Variants in DYRK1A observed in about 807,000 individuals in gnomAD.
DYRK1A encodes the protein dual specificity tyrosine phosphorylation regulated kinase 1A.
In DYRK1A, 9 loss-of-function variants were observed where a neutral mutation model predicts 79.7. The observed-to-expected ratio is 0.11, with a 90% confidence interval of 0.07 to 0.20. The LOEUF is 0.20. Among genes scored for constraint, DYRK1A ranks in the 10% least tolerant of loss-of-function variants. DYRK1A has a pLI of 1.00. For synonymous variants in DYRK1A, 349 were observed against 329.7 expected, an observed-to-expected ratio of 1.06 and a Z score of -0.63; for missense variants, 622 against 956.0, an observed-to-expected ratio of 0.65 and a Z score of 4.61.
In DYRK1A at chr21:37,367,052, G is replaced by T; in HGVS notation, c.-653G>T. 2 of 160,894 alleles carry T rather than the reference G, an allele frequency of 1.2e-5. No individual in the cohort carries two copies. The highest frequency in any genetic ancestry group is 2.7e-4 in the South Asian group (2 of 7,478). The allele number at this position is 160,894 out of a possible 1,614,324, so 10.0% of individuals were successfully genotyped here. A position where few individuals can be genotyped will look rare whatever the true frequency, so the allele number is the denominator to read the frequency against. The stretch of plus-strand genomic sequence containing the variant: ...TGTTGGTGCCGCTGCCGCCGCCGGC[G>T]AGCAGGCGGGACCGGTGTGAGTGCG... On this transcript the variant is annotated 5_prime_UTR_variant, in exon 1 of 12. Coordinates refer to ENST00000647188, the MANE Select transcript of DYRK1A (RefSeq NM_001347721.2).
chr21:37,385,750 T>A (rs2049747966), intron 1 of DYRK1A, among the ~76,000 whole-genome samples: 1 of 152,218 alleles, frequency 6.6e-6, no homozygotes, highest in Non-Finnish European at 1.5e-5. Context: ...TTTATTGCTT[T>A]AAGAAAGCAC....
chr21:37,396,125 C>T (rs2049955796), intron 1 of DYRK1A, among the ~76,000 whole-genome samples: 1 of 152,078 alleles, frequency 6.6e-6, no homozygotes, highest in South Asian at 2.1e-4. Flanking sequence ...TGCCCTTGTC[C>T]TCTAGGAAGG....
intron 2 of DYRK1A, among the ~76,000 whole-genome samples, chr21:37,468,929 A>G (rs1449405014): frequency 6.6e-6 from 1 of 152,364 alleles, no homozygotes; most frequent in East Asian, 1.9e-4. Context: ...GGGCTCGATC[A>G]TATTCAGAAT....
chr21:37,457,695 A>G (rs1176895858), intron 2 of DYRK1A, among the ~76,000 whole-genome samples: 1 of 152,250 alleles, frequency 6.6e-6, no homozygotes, highest in East Asian at 1.9e-4. Flanking sequence ...GCTGCAATTC[A>G]ATATAGGTAC....
chr21:37,466,191 T>G (rs1315147191), intron 2 of DYRK1A, among the ~76,000 whole-genome samples: 1 of 152,246 alleles, frequency 6.6e-6, no homozygotes, highest in African/African-American at 2.4e-5. Flanking sequence ...TTCAGTCTGA[T>G]TCTATCCATG....
intron 4 of DYRK1A, among the ~76,000 whole-genome samples, chr21:37,479,605 TGTTTTTGTTTTTTG>T (rs1297924928): frequency 1.9e-3 from 150 of 78,792 alleles, no homozygotes; most frequent in African/African-American, 9.4e-3. Flanking sequence ...TTTTTGTTTT[TGTTTTTGTTTTTTG>T]TTTTTTTTTT....
intron 2 of DYRK1A, among the ~76,000 whole-genome samples, chr21:37,459,947 A>T (rs2051783666): frequency 6.6e-6 from 1 of 152,200 alleles, no homozygotes; most frequent in Non-Finnish European, 1.5e-5. Context: ...TGGGAGCATT[A>T]GGTCAAGTGC....
chr21:37,427,581 G>GAT (rs1311487831), intron 2 of DYRK1A, among the ~76,000 whole-genome samples: 2 of 152,138 alleles, frequency 1.3e-5, no homozygotes, highest in Admixed American at 6.5e-5. Context: ...TGTTTAAGTG[G>GAT]ATACTATTAT....
intron 2 of DYRK1A, among the ~76,000 whole-genome samples, chr21:37,427,216 A>G (rs973685221): frequency 1.3e-5 from 2 of 152,310 alleles, no homozygotes; most frequent in African/African-American, 2.4e-5. Flanking sequence ...GGCTAAAGCT[A>G]TCCTCCTGCC....
At chr21:37,444,440 A>G (rs1288112578) in intron 2 of DYRK1A, among the ~76,000 whole-genome samples, 1 of 152,184 alleles carries the variant, frequency 6.6e-6, no homozygotes, top group African/African-American at 2.4e-5. Flanking sequence ...GCATTAATTT[A>G]TTAATTGAGC....
At chr21:37,428,217 C>T (rs931250600) in intron 2 of DYRK1A, among the ~76,000 whole-genome samples, 3 of 152,138 alleles carry the variant, frequency 2.0e-5, no homozygotes, top group East Asian at 3.9e-4. Flanking sequence ...GTACATTTTC[C>T]AGTTTGCATT....
intron 1 of DYRK1A, among the ~76,000 whole-genome samples, chr21:37,371,504 G>A (rs1427565207): frequency 6.6e-6 from 1 of 152,146 alleles, no homozygotes; most frequent in Non-Finnish European, 1.5e-5. Context: ...AAATGGTGTG[G>A]TTTCTTTTGG....
rs752322630 is a variant in DYRK1A at position 37,519,187 on chromosome 21, A to G, written c.*6656A>G. On this transcript the variant is annotated 3_prime_UTR_variant, in exon 12 of 12. Transcript: ENST00000647188. Reference sequence around the variant, plus strand: ...ATTTCCCAACAGTGGGAATGGAATTAGTTCCTTTATATCTCAGTCTCATCT... The same window carrying G: ...ATTTCCCAACAGTGGGAATGGAATTGGTTCCTTTATATCTCAGTCTCATCT... 36 of 152,198 alleles carry G rather than the reference A, an allele frequency of 2.4e-4. No homozygotes were observed. The highest frequency in any genetic ancestry group is 4.7e-4 in the Non-Finnish European group (32 of 68,042). The allele number at this position is 152,198 out of a possible 1,614,324, so 9.4% of individuals were successfully genotyped here. A position where few individuals can be genotyped will look rare whatever the true frequency, so the allele number is the denominator to read the frequency against.
chr21:37,426,877 G>A (rs1465493063), intron 2 of DYRK1A, among the ~76,000 whole-genome samples: 34 of 140,640 alleles, frequency 2.4e-4, no homozygotes, highest in African/African-American at 7.2e-4. Flanking sequence ...CCGAGATAGC[G>A]CCACTGGACT....
At chr21:37,477,805 T>G (rs929310320) in intron 3 of DYRK1A, among the ~76,000 whole-genome samples, 2 of 152,174 alleles carry the variant, frequency 1.3e-5, no homozygotes, top group Non-Finnish European at 2.9e-5. Context: ...GGGTTTATCT[T>G]TGTCTGCTAG....
chr21:37,486,629 A>T lies in DYRK1A; in HGVS notation c.637+15A>T. 3.3e-6 allele frequency: 5 copies of T among 1,527,838 alleles called. No individual in the cohort carries two copies. Among genetic ancestry groups the T allele is most frequent in the Non-Finnish European group, 4.4e-6 (5 of 1,137,190 alleles). The allele number at this position is 1,527,838 out of a possible 1,614,324, so 94.6% of individuals were successfully genotyped here. A position where few individuals can be genotyped will look rare whatever the true frequency, so the allele number is the denominator to read the frequency against. The stretch of plus-strand genomic sequence containing the variant: ...ATACTACATAGGTAAACAAACAGGC[A>T]AACAGCGCAGTGTGCCCCAACCCAC... On this transcript the variant is annotated intron_variant, in intron 6 of 11. Coordinates refer to ENST00000647188, the MANE Select transcript of DYRK1A (RefSeq NM_001347721.2).
chr21:37,484,326 T>TC (rs1429539605), intron 5 of DYRK1A, among the ~76,000 whole-genome samples: 21 of 133,508 alleles, frequency 1.6e-4, no homozygotes, highest in Non-Finnish European at 1.3e-4. Context: ...ACTCAATAGG[T>TC]CCCTTTTTTT....
rs549079622 is a variant in DYRK1A at position 37,523,935 on chromosome 21, T to G, written c.*11404T>G. On this transcript the variant is annotated 3_prime_UTR_variant, in exon 12 of 12. Coordinates refer to ENST00000647188, the MANE Select transcript of DYRK1A (RefSeq NM_001347721.2). ...CATTTTGCCCTGCCGCTCTGTGCAA[T>G]GTAAATTGCAGTGACACAGTTATAA... 6.6e-6 allele frequency: 1 copy of G among 152,330 alleles called. No individual in the cohort carries two copies. The highest frequency in any genetic ancestry group is 1.9e-4 in the East Asian group (1 of 5,192). 9.4% of individuals were successfully genotyped at this position (152,330 alleles called of 1,614,324 possible). A position where few individuals can be genotyped will look rare whatever the true frequency, so the allele number is the denominator to read the frequency against.
chr21:37,453,005 G>A (rs2051509538), intron 2 of DYRK1A, among the ~76,000 whole-genome samples: 1 of 152,194 alleles, frequency 6.6e-6, no homozygotes, highest in South Asian at 2.1e-4. Flanking sequence ...AGCATTTTGG[G>A]AGGGCAAGGC....
Sources: gnomAD v4.1 joint callset for allele counts (sites outside exome capture counted in the v4.1 genomes callset) on GRCh38, gnomAD v4.1.1 for gene constraint, MANE v1.5 for transcripts, NCBI Gene and HGNC (gene_info 2026-07-23, HGNC 2026-07-21) for gene names.